The following GRIA1 variants were observed in gnomAD, a reference collection of about 807,000 sequenced individuals.
The protein encoded by GRIA1 is glutamate ionotropic receptor AMPA type subunit 1.
In GRIA1, 31 loss-of-function variants were observed where a neutral mutation model predicts 99.2. The observed-to-expected ratio is 0.31, with a 90% CI of 0.23 to 0.42. The LOEUF (loss-of-function observed/expected upper bound fraction) is 0.42, where lower values mean the gene tolerates loss of function less well. Ranked by LOEUF, GRIA1 falls within the 10% of genes least tolerant of loss-of-function variation. GRIA1 has a pLI of 1.00. For synonymous variants in GRIA1, 438 were observed against 432.4 expected (o/e 1.01, Z -0.16); for missense variants, 782 against 1,157.5 (o/e 0.68, Z 4.71).
At chr5:153,577,225 T>C (rs539007997) in intron 2 of GRIA1, among the ~76,000 whole-genome samples, 5 of 152,086 alleles carry the variant, frequency 3.3e-5, no homozygotes, top group African/African-American at 4.8e-5. Context: ...CTTGAGTGGA[T>C]TGATAGCTGC....
At chr5:153,763,789 C>A (rs1302308699) in intron 11 of GRIA1, among the ~76,000 whole-genome samples, 1 of 152,138 alleles carries the variant, frequency 6.6e-6, no homozygotes, top group Non-Finnish European at 1.5e-5. Context: ...TCATATTTGC[C>A]TTTTTTTATC....
At chr5:153,810,149 A>G (rs2149682798) in intron 15 of GRIA1, among the ~76,000 whole-genome samples, 1 of 152,186 alleles carries the variant, frequency 6.6e-6, no homozygotes, top group Non-Finnish European at 1.5e-5. Flanking sequence ...AACTCATCTG[A>G]TTCTGGGGTG....
chr5:153,651,948 T>C (rs1406504338), intron 4 of GRIA1, among the ~76,000 whole-genome samples: 1 of 152,232 alleles, frequency 6.6e-6, no homozygotes, highest in Non-Finnish European at 1.5e-5. Flanking sequence ...AGGTTTTTAA[T>C]CTTTCTACAT....
intron 2 of GRIA1, among the ~76,000 whole-genome samples, chr5:153,632,415 A>G (rs1753045497): frequency 6.6e-6 from 1 of 152,208 alleles, no homozygotes; most frequent in Non-Finnish European, 1.5e-5. Context: ...TGGGGGAGAA[A>G]ATCCTACCAA....
At chr5:153,519,166 G>A (rs944009427) in intron 2 of GRIA1, among the ~76,000 whole-genome samples, 2 of 152,096 alleles carry the variant, frequency 1.3e-5, no homozygotes, top group African/African-American at 2.4e-5. Flanking sequence ...AGGAGGCTGA[G>A]GCAGGAGAAT....
At chr5:153,523,351 C>G (rs1040848062) in intron 2 of GRIA1, among the ~76,000 whole-genome samples, 4 of 152,082 alleles carry the variant, frequency 2.6e-5, no homozygotes, top group African/African-American at 9.7e-5. Flanking sequence ...TGCCTTTCTG[C>G]AATTTTATAT....
At chr5:153,617,447 T>A (rs1766610403) in intron 2 of GRIA1, among the ~76,000 whole-genome samples, 2 of 152,224 alleles carry the variant, frequency 1.3e-5, no homozygotes. Flanking sequence ...TTCTATGTCA[T>A]CAGCCATCTT....
chr5:153,796,762 A>C (rs1201237300), intron 14 of GRIA1, among the ~76,000 whole-genome samples: 3 of 152,032 alleles, frequency 2.0e-5, no homozygotes, highest in African/African-American at 7.2e-5. Flanking sequence ...GAATTCATGA[A>C]CTGAGCTTAG....
chr5:153,573,810 G>C (rs555379323), intron 2 of GRIA1, among the ~76,000 whole-genome samples: 122 of 152,316 alleles, frequency 8.0e-4, no homozygotes, highest in African/African-American at 2.8e-3. Flanking sequence ...TGCTCTTACT[G>C]TGTGGCTGCA....
intron 7 of GRIA1, among the ~76,000 whole-genome samples, chr5:153,681,433 T>C (rs72802671): frequency 0.052 from 7,850 of 152,228 alleles, 284 homozygotes; most frequent in Non-Finnish European, 0.075. Context: ...GTTAAATGTA[T>C]GGTAAATTTG....
intron 2 of GRIA1, among the ~76,000 whole-genome samples, chr5:153,544,582 T>C (rs1371175246): frequency 1.2e-4 from 18 of 152,172 alleles, no homozygotes; most frequent in Admixed American, 1.2e-3. Context: ...CCAAATTACA[T>C]AGGATTGCAA....
At chr5:153,615,859 G>T (rs1376383278) in intron 2 of GRIA1, among the ~76,000 whole-genome samples, 1 of 152,152 alleles carries the variant, frequency 6.6e-6, no homozygotes, top group Non-Finnish European at 1.5e-5. Context: ...ACAGAAACAA[G>T]AACTTAGTGC....
intron 2 of GRIA1, among the ~76,000 whole-genome samples, chr5:153,576,163 G>A (rs1762514483): frequency 6.6e-6 from 1 of 152,160 alleles, no homozygotes; most frequent in South Asian, 2.1e-4. Context: ...GACAGTATCT[G>A]TAGAACAGCT....
chr5:153,705,693 T>TTTTTTTTTC lies in GRIA1; in HGVS notation c.1453-4_1453-3insTTTTTTTTC. 3 of 1,101,460 alleles carry TTTTTTTTTC rather than the reference T, an allele frequency of 2.7e-6. No homozygotes were observed. The highest frequency in any genetic ancestry group is 6.0e-5 in the East Asian group (2 of 33,236). 68.2% of individuals were successfully genotyped at this position (1,101,460 alleles called of 1,614,324 possible). On this transcript the variant is annotated splice_polypyrimidine_tract_variant and splice_region_variant and intron_variant, in intron 10 of 15. Coordinates refer to ENST00000285900, the MANE Select transcript of GRIA1 (RefSeq NM_000827.4). ...TTTTTTTTTTTTTTTTTTTTTTTTT[T>TTTTTTTTTC]CAGAGAGCAGATGTGGCTGTGGCTC...
chr5:153,791,316 T>C (rs1765293498), intron 13 of GRIA1, among the ~76,000 whole-genome samples: 1 of 151,930 alleles, frequency 6.6e-6, no homozygotes, highest in Non-Finnish European at 1.5e-5. Flanking sequence ...AAAAACCTGC[T>C]TTGGCTCCTT....
intron 11 of GRIA1, among the ~76,000 whole-genome samples, chr5:153,760,356 T>A (rs1055013244): frequency 6.6e-6 from 1 of 151,942 alleles, no homozygotes; most frequent in Non-Finnish European, 1.5e-5. Flanking sequence ...AAAATCAAAA[T>A]ACAAAATTAA....
chr5:153,807,912 C>T lies in GRIA1; in HGVS notation c.2521-3113C>T, dbSNP rs533832655. Reference sequence around the variant, plus strand: ...GATGCTGACCTTTCAAAATTATATACGGCTGTGCTAACATAGGGCATGTTT... The same window carrying T: ...GATGCTGACCTTTCAAAATTATATATGGCTGTGCTAACATAGGGCATGTTT... On this transcript the variant is annotated intron_variant, in intron 15 of 15. Transcript: ENST00000285900. Among the ~76,000 whole-genome samples the T allele has an allele frequency of 1.6e-4, 25 of 152,326 alleles. No homozygotes were observed. In the South Asian group the frequency reaches 1.7e-3, roughly 10 times the overall value.
intron 14 of GRIA1, among the ~76,000 whole-genome samples, chr5:153,801,696 C>A (rs1432522294): frequency 6.6e-6 from 1 of 152,128 alleles, no homozygotes; most frequent in Non-Finnish European, 1.5e-5. Flanking sequence ...TTTAATAGAG[C>A]CATTTTTCTA....
At chr5:153,799,907 C>A (rs987586544) in intron 14 of GRIA1, among the ~76,000 whole-genome samples, 1 of 152,100 alleles carries the variant, frequency 6.6e-6, no homozygotes, top group Non-Finnish European at 1.5e-5. Flanking sequence ...AAAATCTCAC[C>A]CTACTTCCTT....
Sources: allele counts gnomAD v4.1 joint callset (sites outside exome capture counted in the v4.1 genomes callset), GRCh38; gene constraint gnomAD v4.1.1; transcripts MANE v1.5; gene names NCBI Gene and HGNC (gene_info 2026-07-23, HGNC 2026-07-21).